MDFI: variants seen among roughly 807,000 people sequenced by gnomAD.
The protein encoded by MDFI is MyoD family inhibitor.
Under a neutral mutation model 22.3 loss-of-function variants are expected in MDFI, and 16 were observed. The observed-to-expected ratio is 0.72, with a 90% CI of 0.49 to 1.09. MDFI has a LOEUF of 1.09. Among genes scored for constraint, MDFI ranks in the 50% least tolerant of loss-of-function variants. The pLI is 0.00. For synonymous variants in MDFI, 145 were observed against 142.7 expected (o/e 1.02, Z -0.12); for missense variants, 314 against 326.1 (o/e 0.96, Z 0.29).
chr6:41,646,276 C>T lies in MDFI; in HGVS notation c.227C>T (p.Thr76Ile), dbSNP rs377402585. 1 of 1,484,218 alleles carries T rather than the reference C, an allele frequency of 6.7e-7. No homozygotes were observed. The highest frequency in any genetic ancestry group is 2.6e-5 in the East Asian group (1 of 38,538). 91.9% of individuals were successfully genotyped at this position (1,484,218 alleles called of 1,614,324 possible). Residue 76 changes from threonine (T) to isoleucine (I), a missense_variant, in exon 3 of 5, where the codon ACT becomes ATT. Transcript: ENST00000230321. ...GPGIPQGLDSTDLDVPTEAVT... is the reference protein window; with the variant it reads ...GPGIPQGLDSIDLDVPTEAVT... ...GGCATCCCCCAGGGCCTGGACAGCA[C>T]TGACCTCGACGTCCCCACAGAAGCT...
Position 41,638,596 on chromosome 6 carries a change from C to T in MDFI, c.-68C>T. On this transcript the variant is annotated 5_prime_UTR_variant, in exon 1 of 5. Coordinates refer to ENST00000230321, the MANE Select transcript of MDFI (RefSeq NM_005586.4). The surrounding 1 kb of genome is among the most constrained non-coding windows in gnomAD (Gnocchi z 7.6). Reference sequence around the variant, plus strand: ...GGCAGGGGCGCCCGGAGCAGGCGCGCATGGCGGGCCCCGCGCGGGGATCCG... The same window carrying T: ...GGCAGGGGCGCCCGGAGCAGGCGCGTATGGCGGGCCCCGCGCGGGGATCCG... The T allele has an allele frequency of 1.1e-6, 1 of 877,576 alleles. No individual in the cohort carries two copies. Among genetic ancestry groups the T allele is most frequent in the Admixed American group, 2.9e-5 (1 of 34,334 alleles). 54.4% of individuals were successfully genotyped at this position (877,576 alleles called of 1,614,324 possible).
chr6:41,649,966 T>A, intron 4 of MDFI, 123 bp downstream of exon 4: 1 of 817,664 alleles, frequency 1.2e-6, no homozygotes. Context: ...GATCTCAGCC[T>A]CCTTCCACGC....
At chr6:41,639,440 G>A (rs1767767979) in intron 2 of MDFI, 1 of 985,256 alleles carries the variant, frequency 1.0e-6, no homozygotes, top group Admixed American at 6.1e-5. Flanking sequence ...GCCCCGTCCC[G>A]CGCCTGGCGC....
chr6:41,648,985 A>G (rs184613567), intron 3 of MDFI, among the ~76,000 whole-genome samples: 1 of 151,846 alleles, frequency 6.6e-6, no homozygotes, highest in East Asian at 1.9e-4. Context: ...CCTCTCCCAG[A>G]CCCCTCTGCC....
intron 4 of MDFI, among the ~76,000 whole-genome samples, chr6:41,650,971 C>T (rs968888019): frequency 1.3e-5 from 2 of 151,956 alleles, no homozygotes; most frequent in East Asian, 2.0e-4. Flanking sequence ...TGGGATCCAC[C>T]GAGGCAGGTG....
Position 41,638,788 on chromosome 6 carries a change from C to T in MDFI, c.39C>T (p.Asp13=), listed in dbSNP as rs776845226. 1.3e-6 allele frequency: 2 copies of T among 1,570,324 alleles called. No homozygotes were observed. Among genetic ancestry groups the T allele is most frequent in the Non-Finnish European group, 1.7e-6 (2 of 1,164,212 alleles). The part of the protein sequence containing the change: ...QVSGQRPSGC[D]APYGAPSAAP... ...GCGGCCAGCGCCCCTCTGGCTGCGA[C>T]GCGCCCTATGGAGCCCCCAGCGCAG... The change falls in exon 2 of 5, where the codon GAC becomes GAT. Residue 13 remains aspartate, a synonymous_variant. Coordinates refer to ENST00000230321, the MANE Select transcript of MDFI (RefSeq NM_005586.4). This position sits in a 1 kb window ranked among gnomAD's most constrained non-coding sequence, Gnocchi z 7.6.
At chr6:41,649,578 C>T in intron 3 of MDFI, 41 bp from the exon 4 acceptor site, 3 of 1,511,612 alleles carry the variant, frequency 2.0e-6, no homozygotes, top group Non-Finnish European at 2.7e-6. Flanking sequence ...GCCGAATGAC[C>T]CCCACCCTTT....
At chr6:41,642,184 G>A (rs983286590) in intron 2 of MDFI, among the ~76,000 whole-genome samples, 4 of 152,146 alleles carry the variant, frequency 2.6e-5, no homozygotes, top group African/African-American at 9.7e-5. Context: ...TTAGAAAAAG[G>A]AACCCCCTTG....
rs745443182 is a variant in MDFI at position 41,638,742 on chromosome 6, C to G, written c.-8C>G. 6.4e-7 allele frequency: 1 copy of G among 1,563,504 alleles called. No homozygotes were observed. The highest frequency in any genetic ancestry group is 1.9e-5 in the Admixed American group (1 of 53,486). On this transcript the variant is annotated 5_prime_UTR_variant, in exon 2 of 5. Coordinates refer to ENST00000230321, the MANE Select transcript of MDFI (RefSeq NM_005586.4). The surrounding 1 kb of genome is among the most constrained non-coding windows in gnomAD (Gnocchi z 7.6). ...CGCTGAGCCCTGTTTTCCGCAGGTC[C>G]GGGGCCGATGTACCAGGTGAGCGGC...
chr6:41,641,730 G>A (rs1767859232), intron 2 of MDFI, among the ~76,000 whole-genome samples: 1 of 152,236 alleles, frequency 6.6e-6, no homozygotes, highest in Non-Finnish European at 1.5e-5. Flanking sequence ...ACTTAAGGCA[G>A]TAGGCCGTGG....
At chr6:41,652,277 G>A (rs1317250143) in intron 4 of MDFI, among the ~76,000 whole-genome samples, 5 of 152,350 alleles carry the variant, frequency 3.3e-5, no homozygotes, top group Non-Finnish European at 7.3e-5. Flanking sequence ...CAGCCAGGAG[G>A]CTGGCGTGGC....
intron 2 of MDFI, chr6:41,639,150 A>G (rs1767752699): frequency 1.2e-6 from 1 of 811,472 alleles, no homozygotes. Flanking sequence ...TTTGTGTCTC[A>G]ACTGTTTCTG....
chr6:41,640,826 C>T (rs1473308625), intron 2 of MDFI, among the ~76,000 whole-genome samples: 1 of 152,232 alleles, frequency 6.6e-6, no homozygotes, highest in Non-Finnish European at 1.5e-5. Context: ...CTCCTCCCCA[C>T]CCACCCCTGA....
At position 41,646,210 on chromosome 6, in the gene MDFI, TG is replaced by T; in HGVS notation, c.163del (p.Glu55ArgfsTer31). On this transcript the variant is annotated frameshift_variant, in exon 3 of 5. Coordinates refer to ENST00000230321, the MANE Select transcript of MDFI (RefSeq NM_005586.4). LOFTEE classifies it high-confidence loss of function. Reference protein sequence around the residue: ...PAEAAPEEGSLEEAATPMPQG... With the variant: ...PAEAAPEEGSXEEAATPMPQG... ...GAGGCAGCACCAGAGGAGGGCTCCC[TG>T]GAGGAGGCGGCAACCCCCATGCCCC... The T allele has an allele frequency of 6.3e-7, 1 of 1,593,658 alleles. No individual in the cohort carries two copies. The highest frequency in any genetic ancestry group is 8.5e-7 in the Non-Finnish European group (1 of 1,170,338).
chr6:41,650,329 C>T (rs1359688755), intron 4 of MDFI, among the ~76,000 whole-genome samples: 1 of 152,204 alleles, frequency 6.6e-6, no homozygotes, highest in Non-Finnish European at 1.5e-5. Flanking sequence ...GCCGATGTGC[C>T]TACAACACAA....
chr6:41,642,874 G>C (rs1260120456), intron 2 of MDFI, among the ~76,000 whole-genome samples: 1 of 152,194 alleles, frequency 6.6e-6, no homozygotes, highest in African/African-American at 2.4e-5. Context: ...GTAGGTGACT[G>C]TCAGGAGAGG....
Position 41,646,299 on chromosome 6 carries a change from G to A in MDFI, c.250G>A (p.Ala84Thr), listed in dbSNP as rs750912130. The change falls in exon 3 of 5, where the codon GCT becomes ACT. Residue 84 changes from alanine (A) to threonine (T), a missense_variant. Coordinates refer to ENST00000230321, the MANE Select transcript of MDFI (RefSeq NM_005586.4). ...CACTGACCTCGACGTCCCCACAGAA[G>A]CTGTGACATGTGAGTCCTAGGGGGC... ...DSTDLDVPTE[A>T]VTCQPQGNPL... 1 of 1,437,952 alleles carries A rather than the reference G, an allele frequency of 7.0e-7. No individual in the cohort carries two copies. 89.1% of individuals were successfully genotyped at this position (1,437,952 alleles called of 1,614,324 possible).
At position 41,653,167 on chromosome 6, in the gene MDFI, C is replaced by T. The variant is rs1768340565; in HGVS notation, c.485-152C>T. 1.3e-6 allele frequency: 1 copy of T among 760,716 alleles called. No homozygotes were observed. Among genetic ancestry groups the T allele is most frequent in the Admixed American group, 2.3e-5 (1 of 42,778 alleles). The allele number at this position is 760,716 out of a possible 1,614,324, so 47.1% of individuals were successfully genotyped here. ...CGGGGTCATCACCTAGAAAATGGAGCTGTGGGGACGGATTCGTGAGCTTCA... is the reference window on the plus strand; with the variant it reads ...CGGGGTCATCACCTAGAAAATGGAGTTGTGGGGACGGATTCGTGAGCTTCA... On this transcript the variant is annotated intron_variant, in intron 4 of 4. Coordinates refer to ENST00000230321, the MANE Select transcript of MDFI (RefSeq NM_005586.4). This position sits in a 1 kb window ranked among gnomAD's most constrained non-coding sequence, Gnocchi z 4.2.
chr6:41,651,890 A>C (rs1426228664), intron 4 of MDFI, among the ~76,000 whole-genome samples: 1 of 152,210 alleles, frequency 6.6e-6, no homozygotes, highest in Admixed American at 6.5e-5. Flanking sequence ...AGCTTCATGC[A>C]TTTCTATTCT....
Sources: allele counts gnomAD v4.1 joint callset (sites outside exome capture counted in the v4.1 genomes callset), GRCh38; gene constraint gnomAD v4.1.1; non-coding constraint Gnocchi (gnomAD v3.1); transcripts MANE v1.5; gene names NCBI Gene and HGNC (gene_info 2026-07-23, HGNC 2026-07-21).